Variants in HYCC1 observed in about 807,000 individuals in gnomAD.
HYCC1 encodes the protein hyccin.
the HYCC1 span, among the ~76,000 whole-genome samples, chr7:22,992,753 T>G: frequency 3.3e-5 from 5 of 152,148 alleles, no homozygotes; most frequent in African/African-American, 1.2e-4. Context: ...TTTAATAAAT[T>G]AGGACAGAAA....
the HYCC1 span, among the ~76,000 whole-genome samples, chr7:22,932,201 G>A: frequency 4.6e-5 from 7 of 152,246 alleles, no homozygotes; most frequent in South Asian, 2.1e-4. Flanking sequence ...TGGCTTGAAC[G>A]CCCATGAGCT....
the HYCC1 span, chr7:22,934,206 C>A: frequency 4.0e-5 from 4 of 100,164 alleles, no homozygotes; most frequent in African/African-American, 4.3e-5. Flanking sequence ...TCTTTTTTTT[C>A]TTTTTTTTTT....
the HYCC1 span, among the ~76,000 whole-genome samples, chr7:22,903,283 C>T: frequency 6.6e-6 from 1 of 150,828 alleles, no homozygotes; most frequent in South Asian, 2.2e-4. Flanking sequence ...TTCATAACAG[C>T]TTTATTTGTA....
the HYCC1 span, among the ~76,000 whole-genome samples, chr7:22,988,429 C>T: frequency 1.3e-5 from 2 of 152,148 alleles, no homozygotes; most frequent in Admixed American, 1.3e-4. Context: ...TTGTTACCCA[C>T]ATAATATGTT....
the HYCC1 span, among the ~76,000 whole-genome samples, chr7:22,965,115 C>A: frequency 7.3e-6 from 1 of 137,184 alleles, no homozygotes; most frequent in African/African-American, 2.7e-5. Context: ...GCCTGGGTGA[C>A]AGAGTGAGAT....
the HYCC1 span, among the ~76,000 whole-genome samples, chr7:22,981,509 A>G: frequency 6.6e-6 from 1 of 152,208 alleles, no homozygotes; most frequent in Admixed American, 6.5e-5. Context: ...GCACTTCCAA[A>G]TATATCTGAA....
the HYCC1 span, chr7:22,946,853 G>T: frequency 1.1e-6 from 1 of 878,544 alleles, no homozygotes; most frequent in Non-Finnish European, 1.7e-6. Flanking sequence ...TGAGAAATGT[G>T]GTGCATAATT....
chr7:22,999,393 C>T, the HYCC1 span, among the ~76,000 whole-genome samples: 1 of 152,124 alleles, frequency 6.6e-6, no homozygotes, highest in Non-Finnish European at 1.5e-5. Flanking sequence ...TGATAACTAA[C>T]ATACAAATGA....
chr7:22,917,521 C>T, the HYCC1 span, among the ~76,000 whole-genome samples: 1,983 of 152,230 alleles, frequency 0.013, 40 homozygotes, highest in African/African-American at 0.044. Context: ...TCACATGCCC[C>T]GAGTCAGGAA....
At chr7:22,989,565 C>G in the HYCC1 span, among the ~76,000 whole-genome samples, 1 of 151,620 alleles carries the variant, frequency 6.6e-6, no homozygotes, top group Non-Finnish European at 1.5e-5. Context: ...GCTGTGTTGC[C>G]TAGGCTGGTC....
At chr7:23,008,728 T>C in the HYCC1 span, among the ~76,000 whole-genome samples, 4 of 152,022 alleles carry the variant, frequency 2.6e-5, no homozygotes, top group Non-Finnish European at 4.4e-5. Flanking sequence ...TCCATATCTA[T>C]AGACAGACAG....
the HYCC1 span, chr7:22,977,340 C>A: frequency 1.3e-6 from 2 of 1,552,516 alleles, no homozygotes; most frequent in Admixed American, 3.3e-5. Context: ...ATGTCACTTA[C>A]TTCATGGTAT....
At chr7:22,928,036 A>C in the HYCC1 span, among the ~76,000 whole-genome samples, 12 of 152,122 alleles carry the variant, frequency 7.9e-5, no homozygotes, top group East Asian at 7.7e-4. Context: ...TCAATATACG[A>C]AAATCAATAA....
At chr7:22,946,515 T>A in the HYCC1 span, among the ~76,000 whole-genome samples, 1 of 152,034 alleles carries the variant, frequency 6.6e-6, no homozygotes, top group South Asian at 2.1e-4. Context: ...AGCAAAGCAG[T>A]ATAAAATCAA....
chr7:22,926,170 C>A, the HYCC1 span, among the ~76,000 whole-genome samples: 181 of 152,198 alleles, frequency 1.2e-3, no homozygotes, highest in African/African-American at 4.2e-3. Context: ...CCTAAAAGAG[C>A]TCCTGAAGGA....
chr7:22,992,320 C>T, the HYCC1 span, among the ~76,000 whole-genome samples: 1 of 151,978 alleles, frequency 6.6e-6, no homozygotes, highest in Non-Finnish European at 1.5e-5. Context: ...TAAAAGATTA[C>T]TTGGGTAATA....
the HYCC1 span, among the ~76,000 whole-genome samples, chr7:22,927,983 C>G: frequency 6.6e-6 from 1 of 152,122 alleles, no homozygotes; most frequent in Non-Finnish European, 1.5e-5. Flanking sequence ...AAAGCTTATC[C>G]ACCATGATCA....
the HYCC1 span, among the ~76,000 whole-genome samples, chr7:22,949,049 T>A: frequency 8.6e-5 from 13 of 151,804 alleles, no homozygotes; most frequent in Non-Finnish European, 1.5e-4. Flanking sequence ...ACTAAAGGGA[T>A]CTCCAGTCCA....
At chr7:22,989,243 T>C in the HYCC1 span, among the ~76,000 whole-genome samples, 5 of 150,412 alleles carry the variant, frequency 3.3e-5, no homozygotes, top group Admixed American at 6.6e-5. Flanking sequence ...AAAAAAGCCG[T>C]GATAACAGAC....
Sources: gnomAD v4.1 joint callset for allele counts (sites outside exome capture counted in the v4.1 genomes callset) on GRCh38, gnomAD v4.1.1 for gene constraint, MANE v1.5 for transcripts, NCBI Gene and HGNC (gene_info 2026-07-23, HGNC 2026-07-21) for gene names.